CARD14: variants seen among roughly 807,000 people sequenced by gnomAD.
CARD14 encodes the protein caspase recruitment domain family member 14.
CARD14 carries 107 observed loss-of-function variants against 111.5 expected under a neutral mutation model. The observed-to-expected ratio is 0.96, with a 90% CI of 0.82 to 1.13. CARD14 has a LOEUF of 1.13. Among genes scored for constraint, CARD14 ranks in the 50% most tolerant of loss-of-function variants. The pLI, the probability that CARD14 is intolerant of heterozygous loss-of-function variation, is 0.00. For synonymous variants in CARD14, 617 were observed against 579.6 expected (o/e 1.06, Z -0.93); for missense variants, 1,322 against 1,362.3 (o/e 0.97, Z 0.47).
intron 4 of CARD14, among the ~76,000 whole-genome samples, chr17:80,181,015 C>T (rs1156705761): frequency 1.3e-5 from 2 of 151,762 alleles, no homozygotes; most frequent in East Asian, 1.9e-4. Flanking sequence ...CTTCCCCCTT[C>T]GCCTCTCAAA....
At chr17:80,202,135 G>A (rs1192853696) in intron 17 of CARD14, 45 bp from the exon 18 acceptor site, 1 of 1,531,354 alleles carries the variant, frequency 6.5e-7, no homozygotes, top group East Asian at 2.3e-5. Context: ...CCTCGCAGAG[G>A]CTCGTATCTG....
At chr17:80,183,501 A>G (rs1224922155) in intron 6 of CARD14, among the ~76,000 whole-genome samples, 6 of 152,178 alleles carry the variant, frequency 3.9e-5, no homozygotes, top group African/African-American at 1.4e-4. Flanking sequence ...GAGGGTCATT[A>G]AGTCTGAACA....
chr17:80,178,336 A>G (rs533301368), intron 2 of CARD14, among the ~76,000 whole-genome samples, 172 bp from the exon 3 acceptor site: 5 of 152,338 alleles, frequency 3.3e-5, no homozygotes, highest in East Asian at 3.9e-4. Flanking sequence ...GGAAGCTTCA[A>G]TAGTTACTGG....
intron 22 of CARD14, among the ~76,000 whole-genome samples, chr17:80,206,494 G>A (rs11649828): frequency 0.48 from 73,213 of 151,740 alleles, 18,858 homozygotes; most frequent in Non-Finnish European, 0.58. Context: ...GGCCGGGTGC[G>A]GTGGCTCACG....
Position 80,178,581 on chromosome 17 carries a change from T to A in CARD14, c.-293T>A, listed in dbSNP as rs2040080121. 6.6e-6 allele frequency: 1 copy of A among 152,306 alleles called. No homozygotes were observed. Among genetic ancestry groups the A allele is most frequent in the Admixed American group, 6.5e-5 (1 of 15,268 alleles). The allele number at this position is 152,306 out of a possible 1,614,324, so 9.4% of individuals were successfully genotyped here. On this transcript the variant is annotated 5_prime_UTR_variant, in exon 3 of 24. Transcript: ENST00000648509. Reference sequence around the variant, plus strand: ...GGAGGCAGCTGGCACCACACTGGGCTTTGGAGACACTGCGGGGACTGTGGA... The same window carrying A: ...GGAGGCAGCTGGCACCACACTGGGCATTGGAGACACTGCGGGGACTGTGGA...
Position 80,208,188 on chromosome 17 carries a change from C to T in CARD14, c.2858C>T (p.Ala953Val), listed in dbSNP as rs370106410. The change falls in exon 24 of 24, where the codon GCG becomes GTG. Residue 953 changes from alanine to valine, a missense_variant. Physicochemically the swap from Ala to Val is moderately conservative, Grantham distance 64 (BLOSUM62 0). Coordinates refer to ENST00000648509, the MANE Select transcript of CARD14 (RefSeq NM_001366385.1). ...GTSEEQLLEA[A>V]RQEEGDLDRA... is the part of the protein sequence containing the mutation. ...TCAGAGGAGCAGCTCCTGGAGGCTG[C>T]GAGGCAGGAGGAGGGAGACCTGGAC... 12 of 1,551,296 alleles carry T rather than the reference C, an allele frequency of 7.7e-6. No individual in the cohort carries two copies. Among genetic ancestry groups the T allele is most frequent in the East Asian group, 4.8e-5 (2 of 41,398 alleles).
In CARD14 at chr17:80,181,579, G is replaced by A; in HGVS notation, c.141G>A (p.Lys47=). 1 of 1,565,374 alleles carries A rather than the reference G, an allele frequency of 6.4e-7. No homozygotes were observed. Among genetic ancestry groups the A allele is most frequent in the East Asian group, 2.4e-5 (1 of 41,768 alleles). The part of the protein sequence containing the change: ...SRLTPYLRQA[K]VLCQLDEEEV... ...TCACCCCCTACCTGCGCCAGGCCAA[G>A]GTGCTGTGCCAGCTGGACGAGGAGG... The change falls in exon 5 of 24, where the codon AAG becomes AAA. Residue 47 remains lysine (K), a synonymous_variant. Coordinates refer to ENST00000648509, the MANE Select transcript of CARD14 (RefSeq NM_001366385.1).
chr17:80,171,653 A>G (rs765041537), intron 1 of CARD14, among the ~76,000 whole-genome samples: 13 of 152,146 alleles, frequency 8.5e-5, no homozygotes, highest in Non-Finnish European at 1.9e-4. Flanking sequence ...AGCTCCACCC[A>G]CTGATGCTTG....
In CARD14 at chr17:80,182,414, A is replaced by T. The variant is rs541486936; in HGVS notation, c.212-239A>T. 1.1e-3 allele frequency among the ~76,000 whole-genome samples: 162 copies of T among 152,306 alleles called. 1 individual carries two copies. Among genetic ancestry groups the T allele is most frequent in the Non-Finnish European group, 5.3e-4 (36 of 68,010 alleles). On this transcript the variant is annotated intron_variant, in intron 5 of 23. Coordinates refer to ENST00000648509, the MANE Select transcript of CARD14 (RefSeq NM_001366385.1). This position sits in a 1 kb window ranked among gnomAD's most constrained non-coding sequence, Gnocchi z 4.7. ...GCACTGGGGTTGCAGTAGTTGCTCG[A>T]TACATGCCAGCTTTGCCCTTCTCGA... is the stretch of plus-strand genomic sequence containing the variant.
In CARD14 at chr17:80,181,483, C is replaced by G. The variant is rs768959428; in HGVS notation, c.45C>G (p.Asp15Glu). Residue 15 changes from aspartate to glutamate, a missense_variant, in exon 5 of 24, where the codon GAC becomes GAG. Asp to Glu is a conservative substitution (Grantham distance 45). Coordinates refer to ENST00000648509, the MANE Select transcript of CARD14 (RefSeq NM_001366385.1). ...GGGACTCCGCACTCACGGCACTGGA[C>G]GAGGAGACACTGTGGGAGATGATGG... is the stretch of plus-strand genomic sequence containing the variant. ...CRRDSALTAL[D>E]EETLWEMMES... The G allele has an allele frequency of 6.3e-7, 1 of 1,588,832 alleles. No individual in the cohort carries two copies. The highest frequency in any genetic ancestry group is 1.3e-5 in the African/African-American group (1 of 74,416).
intron 6 of CARD14, among the ~76,000 whole-genome samples, chr17:80,183,202 A>G (rs1253310322): frequency 6.6e-6 from 1 of 152,224 alleles, no homozygotes; most frequent in Non-Finnish European, 1.5e-5. Flanking sequence ...CAGAGGGTAC[A>G]GGGCCTTGGC....
chr17:80,186,241 T>G (rs2040340612), intron 7 of CARD14, among the ~76,000 whole-genome samples: 1 of 152,130 alleles, frequency 6.6e-6, no homozygotes, highest in Non-Finnish European at 1.5e-5. Flanking sequence ...CAGCCCACTT[T>G]GCTGCTGCCC....
intron 4 of CARD14, among the ~76,000 whole-genome samples, chr17:80,180,084 G>A (rs1373278747): frequency 1.3e-5 from 2 of 152,096 alleles, no homozygotes; most frequent in African/African-American, 4.8e-5. Flanking sequence ...TGGGCTAATG[G>A]CCTCATGTTG....
chr17:80,193,027 G>A (rs2040577902), intron 12 of CARD14, among the ~76,000 whole-genome samples: 1 of 152,212 alleles, frequency 6.6e-6, no homozygotes, highest in Non-Finnish European at 1.5e-5. Context: ...TGGGATTACA[G>A]GCATGAGCCA....
chr17:80,205,717 G>A (rs923787069), intron 22 of CARD14, 65 bp downstream of exon 22: 11 of 1,465,812 alleles, frequency 7.5e-6, no homozygotes, highest in Admixed American at 4.8e-5. Context: ...TGCAGAGGAG[G>A]GGGATGAGAT....
chr17:80,204,002 C>T, intron 19 of CARD14, 117 bp downstream of exon 19: 1 of 892,952 alleles, frequency 1.1e-6, no homozygotes, highest in South Asian at 1.6e-5. Flanking sequence ...GAGGGTAACC[C>T]CACCTGTCTC....
In CARD14 at chr17:80,182,647, C is replaced by T; in HGVS notation, c.212-6C>T. 1 of 1,613,910 alleles carries T rather than the reference C, an allele frequency of 6.2e-7. No homozygotes were observed. The highest frequency in any genetic ancestry group is 1.1e-5 in the South Asian group (1 of 91,038). Reference sequence around the variant, plus strand: ...TCTGCCCAGACAGACGGTTCTGCCTCCCAAGGGCACTTGCTGGATTTGCTG... The same window carrying T: ...TCTGCCCAGACAGACGGTTCTGCCTTCCAAGGGCACTTGCTGGATTTGCTG... On this transcript the variant is annotated splice_polypyrimidine_tract_variant and splice_region_variant and intron_variant, in intron 5 of 23. Coordinates refer to ENST00000648509, the MANE Select transcript of CARD14 (RefSeq NM_001366385.1). The surrounding 1 kb of genome is among the most constrained non-coding windows in gnomAD (Gnocchi z 4.7).
At position 80,205,610 on chromosome 17, in the gene CARD14, C is replaced by G; in HGVS notation, c.2649C>G (p.Arg883=). 1 of 1,549,244 alleles carries G rather than the reference C, an allele frequency of 6.5e-7. No individual in the cohort carries two copies. Residue 883 remains arginine, a synonymous_variant, in exon 22 of 24, where the codon CGC becomes CGG. Coordinates refer to ENST00000648509, the MANE Select transcript of CARD14 (RefSeq NM_001366385.1). ...IIQEGEVSGG[R]CWVTRHAVES... ...AGGAGGGAGAGGTGTCCGGGGGCCG[C>G]TGCTGGGTGACCCGCCATGCTGTGG...
chr17:80,174,795 C>T (rs2039985790), intron 2 of CARD14, among the ~76,000 whole-genome samples: 1 of 152,078 alleles, frequency 6.6e-6, no homozygotes, highest in African/African-American at 2.4e-5. Flanking sequence ...CTGGAGGCAG[C>T]TCTGGGGCGT....
Sources: gnomAD v4.1 joint callset for allele counts (sites outside exome capture counted in the v4.1 genomes callset) on GRCh38, gnomAD v4.1.1 for gene constraint, Gnocchi (gnomAD v3.1) non-coding constraint, MANE v1.5 for transcripts, NCBI Gene and HGNC (gene_info 2026-07-23, HGNC 2026-07-21) for gene names.